The following HPSE2 variants were observed in gnomAD, a reference collection of about 807,000 sequenced individuals.
HPSE2 encodes the protein inactive heparanase-2.
A neutral mutation model predicts 60.5 loss-of-function variants in HPSE2; 38 were observed. The ratio of observed to expected loss-of-function variants is 0.63; its 90% CI spans 0.48 to 0.82. The LOEUF is 0.82. HPSE2 is among the 40% of genes least tolerant of loss of function. The pLI is 0.00. For synonymous variants in HPSE2, 295 were observed against 293.2 expected (o/e 1.01, Z -0.06); for missense variants, 713 against 740.4 (o/e 0.96, Z 0.43).
At chr10:99,013,862 T>C (rs1435089761) in intron 3 of HPSE2, 7 of 334,730 alleles carry the variant, frequency 2.1e-5, no homozygotes, top group South Asian at 1.9e-4. Flanking sequence ...TAAAGGATGG[T>C]AGTTTTCCCT....
chr10:99,257,538 C>T, the HPSE2 span, among the ~76,000 whole-genome samples: 2 of 152,130 alleles, frequency 1.3e-5, no homozygotes, highest in African/African-American at 4.8e-5. Flanking sequence ...ACGAGGAAAT[C>T]CCCGCCTAAT....
chr10:98,966,197 C>T (rs1393506908), intron 3 of HPSE2, among the ~76,000 whole-genome samples: 1 of 152,056 alleles, frequency 6.6e-6, no homozygotes, highest in East Asian at 1.9e-4. Context: ...GGCCAGAAAG[C>T]CCTCTTTGAT....
intron 3 of HPSE2, among the ~76,000 whole-genome samples, chr10:98,803,294 T>C (rs1282684528): frequency 6.6e-6 from 1 of 150,382 alleles, no homozygotes; most frequent in Non-Finnish European, 1.5e-5. Context: ...TGATGGTAGT[T>C]TCTTTTGCTG....
At chr10:99,278,022 A>C in the HPSE2 span, among the ~76,000 whole-genome samples, 5 of 150,112 alleles carry the variant, frequency 3.3e-5, no homozygotes, top group Non-Finnish European at 4.4e-5. Context: ...GCTTGAACCC[A>C]GGAGGCGGAG....
chr10:98,812,168 G>A (rs1456435050), intron 3 of HPSE2, among the ~76,000 whole-genome samples: 2 of 152,036 alleles, frequency 1.3e-5, no homozygotes, highest in Non-Finnish European at 2.9e-5. Context: ...TGTCAGACAG[G>A]TTTCAACCAC....
intron 4 of HPSE2, among the ~76,000 whole-genome samples, chr10:98,723,496 A>T (rs549490708): frequency 2.5e-4 from 38 of 152,126 alleles, no homozygotes; most frequent in African/African-American, 8.7e-4. Context: ...GTTAGGGAGG[A>T]TTCCCTCTTT....
chr10:99,188,197 G>A (rs1848097939), intron 2 of HPSE2, among the ~76,000 whole-genome samples: 1 of 152,138 alleles, frequency 6.6e-6, no homozygotes, highest in Non-Finnish European at 1.5e-5. Context: ...CAACAACATT[G>A]ATGAATCCCC....
At chr10:99,171,303 C>T (rs981675418) in intron 2 of HPSE2, among the ~76,000 whole-genome samples, 3 of 152,128 alleles carry the variant, frequency 2.0e-5, no homozygotes, top group South Asian at 4.2e-4. Context: ...GGTAGAATAT[C>T]GCACTACATT....
chr10:99,061,329 G>A (rs796396582), intron 3 of HPSE2, among the ~76,000 whole-genome samples: 4 of 152,262 alleles, frequency 2.6e-5, no homozygotes, highest in African/African-American at 9.6e-5. Flanking sequence ...GTCCTCAAGT[G>A]ATGTGTGTTC....
At chr10:99,256,835 C>A in the HPSE2 span, among the ~76,000 whole-genome samples, 2 of 152,064 alleles carry the variant, frequency 1.3e-5, no homozygotes, top group Admixed American at 6.6e-5. Context: ...GAGCAGATCA[C>A]GAGGTCAAGA....
intron 6 of HPSE2, among the ~76,000 whole-genome samples, chr10:98,666,880 A>G (rs903271758): frequency 1.3e-5 from 2 of 152,190 alleles, no homozygotes; most frequent in South Asian, 2.1e-4. Flanking sequence ...AAATAAGACA[A>G]AAAATAATTA....
chr10:98,479,139 C>T (rs771988629), intron 11 of HPSE2, among the ~76,000 whole-genome samples: 2 of 152,182 alleles, frequency 1.3e-5, no homozygotes, highest in Admixed American at 6.5e-5. Context: ...CCCATGTCCT[C>T]GAGCAATCAA....
At chr10:98,466,045 C>T (rs1314865883) in intron 11 of HPSE2, among the ~76,000 whole-genome samples, 1 of 152,206 alleles carries the variant, frequency 6.6e-6, no homozygotes, top group Non-Finnish European at 1.5e-5. Context: ...CTCCGCCCAC[C>T]TGTCTACAGT....
chr10:98,703,267 G>A (rs1018409542), intron 5 of HPSE2, among the ~76,000 whole-genome samples: 1 of 152,154 alleles, frequency 6.6e-6, no homozygotes, highest in African/African-American at 2.4e-5. Context: ...CCAATAGCAA[G>A]TACTGAAATT....
At chr10:98,645,503 C>A (rs1305581835) in intron 6 of HPSE2, among the ~76,000 whole-genome samples, 1 of 152,216 alleles carries the variant, frequency 6.6e-6, no homozygotes, top group African/African-American at 2.4e-5. Context: ...ATCACAGCAT[C>A]TTTTTAATAA....
At chr10:98,569,189 G>A (rs888045045) in intron 9 of HPSE2, among the ~76,000 whole-genome samples, 7 of 151,318 alleles carry the variant, frequency 4.6e-5, no homozygotes, top group Admixed American at 2.0e-4. Context: ...TCAGCCTCCT[G>A]AGTAGCTGGG....
upstream of HPSE2, among the ~76,000 whole-genome samples, chr10:99,236,363 C>G (rs763754939): frequency 6.6e-6 from 1 of 152,012 alleles, no homozygotes; most frequent in Non-Finnish European, 1.5e-5. Context: ...GACTCCGACC[C>G]GAAAGCCCCA....
At chr10:98,560,569 T>C (rs1260960096) in intron 9 of HPSE2, among the ~76,000 whole-genome samples, 2 of 152,196 alleles carry the variant, frequency 1.3e-5, no homozygotes, top group Non-Finnish European at 2.9e-5. Context: ...AGGCCTTTTT[T>C]TCTTCACCGA....
At chr10:99,051,349 T>G (rs1957987526) in intron 3 of HPSE2, among the ~76,000 whole-genome samples, 1 of 152,172 alleles carries the variant, frequency 6.6e-6, no homozygotes, top group South Asian at 2.1e-4. Flanking sequence ...TTCTCCATTT[T>G]TCCCATGCAG....
Sources: gnomAD v4.1 joint callset for allele counts (sites outside exome capture counted in the v4.1 genomes callset) on GRCh38, gnomAD v4.1.1 for gene constraint, MANE v1.5 for transcripts, NCBI Gene and HGNC (gene_info 2026-07-23, HGNC 2026-07-21) for gene names.